SYTL2: variants seen among roughly 807,000 people sequenced by gnomAD.
The protein encoded by SYTL2 is synaptotagmin like 2.
Under a neutral mutation model 198.7 loss-of-function variants are expected in SYTL2, and 165 were observed. The observed-to-expected ratio is 0.83, with a 90% CI of 0.73 to 0.94. SYTL2 has a LOEUF of 0.94. Ranked by LOEUF, SYTL2 falls within the 40% of genes least tolerant of loss-of-function variation. The pLI is 0.00. For missense variants in SYTL2, 2,835 were observed against 2,582.8 expected (o/e 1.10, Z -2.12); for synonymous variants, 966 against 917.7 (o/e 1.05, Z -0.95).
At chr11:85,720,837 T>C (rs990280234) in intron 9 of SYTL2, 21 bp downstream of exon 9, 2 of 1,559,988 alleles carry the variant, frequency 1.3e-6, no homozygotes, top group Non-Finnish European at 1.8e-6. Flanking sequence ...GCATGAACAG[T>C]GAGGCGAACT....
intron 18 of SYTL2, among the ~76,000 whole-genome samples, chr11:85,697,565 G>A (rs1468207869): frequency 1.3e-5 from 2 of 152,176 alleles, no homozygotes; most frequent in African/African-American, 4.8e-5. Flanking sequence ...CCAAATATCT[G>A]CAGTCTCATA....
At chr11:85,850,919 C>T in the SYTL2 span, among the ~76,000 whole-genome samples, 3 of 148,566 alleles carry the variant, frequency 2.0e-5, no homozygotes, top group South Asian at 2.1e-4. Context: ...AGTAAACTAT[C>T]GCAAGAACAA....
chr11:85,795,230 C>A (rs1396429028), intron 1 of SYTL2, among the ~76,000 whole-genome samples: 1 of 151,938 alleles, frequency 6.6e-6, no homozygotes, highest in African/African-American at 2.4e-5. Flanking sequence ...TTATTTTCAG[C>A]CCCCCAAATA....
In SYTL2 at chr11:85,734,266, C is replaced by G; in HGVS notation, c.1063G>C (p.Gly355Arg). Residue 355 changes from glycine to arginine, a missense_variant, in exon 7 of 20, where the codon GGA becomes CGA. Transcript: ENST00000359152. Reference protein sequence around the residue: ...SPGLIHGREVGEFSVLESDRL... With the variant: ...SPGLIHGREVREFSVLESDRL... ...TCAGATTCTAAAACACTAAATTCTC[C>G]TACTTCCCGACCATGGATTAGCCCA... The G allele has an allele frequency of 6.2e-7, 1 of 1,614,186 alleles. No homozygotes were observed. The highest frequency in any genetic ancestry group is 8.5e-7 in the Non-Finnish European group (1 of 1,180,008).
the SYTL2 span, among the ~76,000 whole-genome samples, chr11:85,833,183 CAAAG>C: frequency 3.3e-5 from 4 of 119,862 alleles, no homozygotes; most frequent in South Asian, 4.8e-4. Context: ...AAGAAAGAAA[CAAAG>C]AAAAAATAGG....
Position 85,720,921 on chromosome 11 carries a change from C to A in SYTL2, c.5365G>T (p.Glu1789Ter). 1 of 1,613,618 alleles carries A rather than the reference C, an allele frequency of 6.2e-7. No homozygotes were observed. The highest frequency in any genetic ancestry group is 8.5e-7 in the Non-Finnish European group (1 of 1,179,716). ...EEPSPVLKTLERSAARKMPSK... is the reference protein window; with the variant it reads ...EEPSPVLKTL ...GGCATTTTCCTAGCGGCACTCCTTT[C>A]CAAAGTTTTCAAAACAGGACTGGGT... Residue 1789 changes from glutamate (E) to a stop codon, truncating the protein, a stop_gained, in exon 9 of 20, where the codon GAA becomes TAA. Coordinates refer to ENST00000359152, the MANE Select transcript of SYTL2 (RefSeq NM_206927.4). LOFTEE classifies it high-confidence loss of function.
Position 85,696,313 on chromosome 11 carries a change from GAAGATA to G in SYTL2, c.6438_6443del (p.Ile2147_Phe2148del). On this transcript the variant is annotated inframe_deletion, in exon 19 of 20. Coordinates refer to ENST00000359152, the MANE Select transcript of SYTL2 (RefSeq NM_206927.4). ...ACCCATCATACACCATAGTGTGGTT[GAAGATA>G]GGGTTGGTGGTTTTCCCTACAGCTC... The G allele has an allele frequency of 6.2e-7, 1 of 1,614,058 alleles. No individual in the cohort carries two copies. The highest frequency in any genetic ancestry group is 1.1e-5 in the South Asian group (1 of 91,076).
intron 1 of SYTL2, among the ~76,000 whole-genome samples, chr11:85,760,731 A>G (rs2092073622): frequency 6.6e-6 from 1 of 152,156 alleles, no homozygotes; most frequent in Admixed American, 6.5e-5. Flanking sequence ...AATGGGCAAC[A>G]TTGGCTTCCA....
rs2087518770 is a variant in SYTL2, at chr11:85,717,499, A to G, written c.5514T>C (p.Asn1838=). The part of the protein sequence containing the change: ...DEKPDQKPVT[N]ECVPRISTVP... ...GCTACTCACTTCTTGGTACGCATTCATTTGTAACTGGCTTCTGATCTGGTT... is the reference window on the plus strand; with the variant it reads ...GCTACTCACTTCTTGGTACGCATTCGTTTGTAACTGGCTTCTGATCTGGTT... The change falls in exon 11 of 20, where the codon AAT becomes AAC. Residue 1838 remains asparagine (N), a synonymous_variant. Transcript: ENST00000359152. The G allele has an allele frequency of 1.2e-6, 2 of 1,613,216 alleles. No homozygotes were observed.
At chr11:85,723,291 T>C (rs2153459325) in intron 8 of SYTL2, among the ~76,000 whole-genome samples, 1 of 152,312 alleles carries the variant, frequency 6.6e-6, no homozygotes, top group African/African-American at 2.4e-5. Context: ...GAAATGTACC[T>C]GGCCAGGCAA....
the SYTL2 span, among the ~76,000 whole-genome samples, chr11:85,843,922 T>C: frequency 6.6e-6 from 1 of 152,148 alleles, no homozygotes; most frequent in Non-Finnish European, 1.5e-5. Flanking sequence ...TGACCCCAAG[T>C]TCATGTTCTT....
At chr11:85,840,978 T>C in the SYTL2 span, among the ~76,000 whole-genome samples, 1 of 151,882 alleles carries the variant, frequency 6.6e-6, no homozygotes, top group African/African-American at 2.4e-5. Context: ...TATAAGGAAC[T>C]AACAAATTTA....
At chr11:85,833,426 A>ATATATATATATATAT in the SYTL2 span, among the ~76,000 whole-genome samples, 2 of 148,386 alleles carry the variant, frequency 1.3e-5, no homozygotes, top group Admixed American at 1.4e-4. Context: ...TATGTATATC[A>ATATATATATATATAT]CATATATATG....
intron 2 of SYTL2, among the ~76,000 whole-genome samples, chr11:85,749,099 G>A (rs942471849): frequency 5.9e-5 from 9 of 152,306 alleles, no homozygotes; most frequent in African/African-American, 2.2e-4. Flanking sequence ...TGCAGATCCT[G>A]CATTTAAGAG....
At chr11:85,798,787 G>C (rs2092841131) in intron 1 of SYTL2, among the ~76,000 whole-genome samples, 2 of 152,196 alleles carry the variant, frequency 1.3e-5, no homozygotes, top group Admixed American at 6.5e-5. Context: ...TCAGTGCCCA[G>C]AGTTTTTAAT....
the SYTL2 span, among the ~76,000 whole-genome samples, chr11:85,839,264 T>C: frequency 6.6e-6 from 1 of 152,334 alleles, no homozygotes; most frequent in Non-Finnish European, 1.5e-5. Context: ...TGCTATCAAA[T>C]AGCAAGTCTT....
At chr11:85,703,170 T>C (rs1197970286) in intron 16 of SYTL2, among the ~76,000 whole-genome samples, 2 of 152,080 alleles carry the variant, frequency 1.3e-5, no homozygotes, top group Admixed American at 6.6e-5. Context: ...ATACTTGTAA[T>C]TGGAGTTTCC....
chr11:85,769,187 G>A (rs2092305805), intron 1 of SYTL2, among the ~76,000 whole-genome samples: 1 of 152,140 alleles, frequency 6.6e-6, no homozygotes, highest in African/African-American at 2.4e-5. Context: ...CCTAATCCCT[G>A]GAACCTGAAG....
At chr11:85,712,766 G>C (rs576607160) in intron 12 of SYTL2, among the ~76,000 whole-genome samples, 1 of 151,704 alleles carries the variant, frequency 6.6e-6, no homozygotes, top group East Asian at 1.9e-4. Flanking sequence ...GCCTAGGCTG[G>C]AGTGCAGTGG....
Sources: allele counts gnomAD v4.1 joint callset (sites outside exome capture counted in the v4.1 genomes callset), GRCh38; gene constraint gnomAD v4.1.1; transcripts MANE v1.5; gene names NCBI Gene and HGNC (gene_info 2026-07-23, HGNC 2026-07-21).